Variants in DNAH17 observed in about 807,000 individuals in gnomAD.
The protein encoded by DNAH17 is axonemal beta dynein heavy chain 17.
Under a neutral mutation model 485.6 loss-of-function variants are expected in DNAH17, and 376 were observed. The observed-to-expected ratio is 0.77, with a 90% confidence interval of 0.71 to 0.84. The LOEUF (loss-of-function observed/expected upper bound fraction) is 0.84. Ranked by LOEUF, DNAH17 falls within the 40% of genes least tolerant of loss-of-function variation. The pLI, the probability that DNAH17 is intolerant of heterozygous loss-of-function variation, is 0.00. For synonymous variants in DNAH17, 3,031 were observed against 2,405.9 expected (o/e 1.26, Z -7.60); for missense variants, 6,370 against 5,839.3 (o/e 1.09, Z -2.96).
chr17:78,455,647 T>C lies in DNAH17; in HGVS notation c.10167A>G (p.Leu3389=), dbSNP rs139162230. 6.5e-6 allele frequency: 10 copies of C among 1,547,582 alleles called. No homozygotes were observed. The African/African-American group carries it at 1.4e-4, about 21-fold the overall frequency. Residue 3389 remains leucine, a synonymous_variant, in exon 63 of 81, where the codon TTA becomes TTG. Coordinates refer to ENST00000389840, the MANE Select transcript of DNAH17 (RefSeq NM_173628.4). ...EKFWIPYIHN[L]KVPIPITNGL... ...TGGCCAGGACTCCACTCCTTACCTT[T>C]AAGTTATGTATGTAAGGGATCCAGA...
chr17:78,428,282 ACCC>A, intron 77 of DNAH17: 1 of 560,488 alleles, frequency 1.8e-6, no homozygotes, highest in Non-Finnish European at 3.2e-6. Context: ...CCGCATCCAC[ACCC>A]CCAAGGATCC....
rs566794356 is a variant in DNAH17 at position 78,448,174 on chromosome 17, AAAAC to A, written c.11211+1236_11211+1239del. On this transcript the variant is annotated intron_variant, in intron 69 of 80. Coordinates refer to ENST00000389840, the MANE Select transcript of DNAH17 (RefSeq NM_173628.4). ...GCAACAAGAGGAAAACTCCGTCTAA[AAAAC>A]AAACAAACAAAAAAACCAGAACAGA... 6.2e-4 allele frequency among the ~76,000 whole-genome samples: 94 copies of A among 151,692 alleles called. 1 individual carries two copies. Among genetic ancestry groups the A allele is most frequent in the African/African-American group, 1.4e-3 (57 of 41,164 alleles).
In DNAH17 at chr17:78,462,847, G is replaced by T; in HGVS notation, c.9171C>A (p.Ser3057=). Reference sequence around the variant, plus strand: ...GCAGCCAGCCCCCCTCTCCTACCTGGGAAGCCGTGCTCTGCAGCTTCATCA... The same window carrying T: ...GCAGCCAGCCCCCCTCTCCTACCTGTGAAGCCGTGCTCTGCAGCTTCATCA... The part of the protein sequence containing the change: ...NGLMKLQSTA[S]QVDDLKAKLA... Residue 3057 remains serine, a synonymous_variant, in exon 57 of 81, where the codon TCC becomes TCA. Transcript: ENST00000389840. The T allele has an allele frequency of 9.9e-6, 16 of 1,613,868 alleles. No homozygotes were observed. Among genetic ancestry groups the T allele is most frequent in the African/African-American group, 1.3e-5 (1 of 74,988 alleles).
At chr17:78,499,212 C>G in intron 36 of DNAH17, 100 bp from the exon 37 acceptor site, 1 of 886,120 alleles carries the variant, frequency 1.1e-6, no homozygotes, top group South Asian at 2.0e-5. Flanking sequence ...GTTTTCTCTT[C>G]CCAAAGCTTG....
At chr17:78,567,335 G>C (rs2092284080) in intron 9 of DNAH17, among the ~76,000 whole-genome samples, 169 bp from the exon 10 acceptor site, 1 of 152,070 alleles carries the variant, frequency 6.6e-6, no homozygotes, top group African/African-American at 2.4e-5. Flanking sequence ...TGTTCTTTAA[G>C]CAAATATTCC....
At chr17:78,531,551 G>A (rs1255920364) in intron 20 of DNAH17, among the ~76,000 whole-genome samples, 1 of 151,824 alleles carries the variant, frequency 6.6e-6, no homozygotes, top group African/African-American at 2.4e-5. Flanking sequence ...TGTTAGCCAG[G>A]ATGGTCTCGA....
chr17:78,577,339 T>C lies in DNAH17; in HGVS notation c.-70A>G. The C allele has an allele frequency of 6.6e-6, 1 of 152,282 alleles. No homozygotes were observed. The highest frequency in any genetic ancestry group is 1.9e-4 in the East Asian group (1 of 5,186). The allele number at this position is 152,282 out of a possible 1,614,324, so 9.4% of individuals were successfully genotyped here. On this transcript the variant is annotated 5_prime_UTR_variant, in exon 1 of 81. Transcript: ENST00000389840. ...TCTCCCGCAAACTGATGAGCAACTC[T>C]TTCCCAAACCAGGAAAGAAAATGGC...
intron 9 of DNAH17, 79 bp downstream of exon 9, chr17:78,569,087 A>C: frequency 9.1e-7 from 1 of 1,097,500 alleles, no homozygotes; most frequent in Non-Finnish European, 1.3e-6. Flanking sequence ...CAAGGGGGGT[A>C]GGGATGGACG....
chr17:78,479,782 G>T, intron 49 of DNAH17, 150 bp from the exon 50 acceptor site: 2 of 1,046,554 alleles, frequency 1.9e-6, no homozygotes, highest in East Asian at 2.5e-5. Context: ...CTTGTGCCTT[G>T]CATGTGGTAA....
In DNAH17 at chr17:78,445,566, CG is replaced by C. The variant is rs2087249408; in HGVS notation, c.11325del (p.Ile3777SerfsTer62). ...PVDFLQHQGW[G>X]GIKALSEMDE... is the part of the protein sequence containing the mutation. Reference sequence around the variant, plus strand: ...AACGTCTAAAGACGAACCTTGATCCCGCCCCAGCCTTGATGCTGGAGGAAGT... The same window carrying C: ...AACGTCTAAAGACGAACCTTGATCCCCCCCAGCCTTGATGCTGGAGGAAGT... On this transcript the variant is annotated frameshift_variant, in exon 70 of 81. Coordinates refer to ENST00000389840, the MANE Select transcript of DNAH17 (RefSeq NM_173628.4). LOFTEE classifies it high-confidence loss of function. The C allele has an allele frequency of 6.4e-7, 1 of 1,561,572 alleles. No homozygotes were observed. The highest frequency in any genetic ancestry group is 2.4e-5 in the East Asian group (1 of 41,744).
chr17:78,473,573 CAG>C (rs2088872086), intron 54 of DNAH17, among the ~76,000 whole-genome samples: 1 of 140,538 alleles, frequency 7.1e-6, no homozygotes, highest in Admixed American at 7.1e-5. Context: ...AAAGAAATGA[CAG>C]TGATAGCAAA....
chr17:78,478,800 T>C (rs1568119942), intron 51 of DNAH17: 2 of 517,378 alleles, frequency 3.9e-6, no homozygotes, highest in Non-Finnish European at 6.8e-6. Flanking sequence ...TAACCATCAC[T>C]ACCACCATCA....
In DNAH17 at chr17:78,572,837, A is replaced by G; in HGVS notation, c.403T>C (p.Ser135Pro). 6.2e-7 allele frequency: 1 copy of G among 1,613,950 alleles called. No homozygotes were observed. The highest frequency in any genetic ancestry group is 8.5e-7 in the Non-Finnish European group (1 of 1,179,878). The change falls in exon 3 of 81, where the codon TCG becomes CCG. Residue 135 changes from serine (S) to proline (P), a missense_variant. Ser to Pro is a moderately conservative substitution (Grantham distance 74). Transcript: ENST00000389840. ...ENMAGWPQVV[S>P]EDIVKQVHRL... ...TGGACCTGCTTCACGATGTCTTCCG[A>G]GACCACCTGGGGCCATCCAGCCATG...
chr17:78,438,431 GAGGAGGAGGAGGA>G (rs2086929784), intron 73 of DNAH17, among the ~76,000 whole-genome samples: 1 of 77,960 alleles, frequency 1.3e-5, no homozygotes, highest in Non-Finnish European at 2.4e-5. Context: ...GGAGAAGGAG[GAGGAGGAGGAGGA>G]GGGAGGAGGG....
At chr17:78,434,802 G>C (rs2086804562) in intron 74 of DNAH17, among the ~76,000 whole-genome samples, 1 of 152,162 alleles carries the variant, frequency 6.6e-6, no homozygotes, top group Non-Finnish European at 1.5e-5. Context: ...GCTACGTAGT[G>C]ACTCCTGAAC....
chr17:78,552,476 CTT>C (rs2143571100), intron 15 of DNAH17, among the ~76,000 whole-genome samples: 1 of 148,406 alleles, frequency 6.7e-6, no homozygotes, highest in East Asian at 2.0e-4. Flanking sequence ...CCCAGGGAGT[CTT>C]TGCCGGATTC....
rs1233972786 is a variant in DNAH17, at chr17:78,570,872, AAAAAAAG to A, written c.918+69_918+75del. The stretch of plus-strand genomic sequence containing the variant: ...ACTCCCTCTCAAAAAAAAAAAAAAA[AAAAAAAG>A]AAAAAAGAAAAGAAAAGAAAAGAAA... On this transcript the variant is annotated intron_variant, in intron 6 of 80. Transcript: ENST00000389840. 4.7e-4 allele frequency: 372 copies of A among 794,206 alleles called. 3 individuals carry two copies. In the African/African-American group the frequency reaches 5.3e-3, roughly 11 times the overall value. The allele number at this position is 794,206 out of a possible 1,614,324, so 49.2% of individuals were successfully genotyped here. A position where few individuals can be genotyped will look rare whatever the true frequency, so the allele number is the denominator to read the frequency against.
chr17:78,502,874 C>T lies in DNAH17; in HGVS notation c.5082+12G>A, dbSNP rs1050229362. 1.9e-6 allele frequency: 3 copies of T among 1,611,258 alleles called. No homozygotes were observed. The Admixed American group carries it at 5.1e-5, about 27-fold the overall frequency. On this transcript the variant is annotated intron_variant, in intron 32 of 80. Transcript: ENST00000389840. ...GCCACGAGGCGCCGCCGAGCCCCCA[C>T]CCGCCTCAGACCTGGGCTGGGTAGT...
Position 78,502,967 on chromosome 17 carries a change from G to T in DNAH17, c.5001C>A (p.Thr1667=). 6.2e-7 allele frequency: 1 copy of T among 1,613,888 alleles called. No homozygotes were observed. The highest frequency in any genetic ancestry group is 8.5e-7 in the Non-Finnish European group (1 of 1,179,872). The change falls in exon 32 of 81, where the codon ACC becomes ACA. Residue 1667 remains threonine, a synonymous_variant. Transcript: ENST00000389840. The part of the protein sequence containing the change: ...LNRVLDRMCS[T]LRHEIPEAVV... ...CGGCCTCTGGGATTTCGTGCCGGAG[G>T]GTAGAGCACATTCGGTCCAGCACTC... is the stretch of plus-strand genomic sequence containing the variant.
Sources: allele counts gnomAD v4.1 joint callset (sites outside exome capture counted in the v4.1 genomes callset), GRCh38; gene constraint gnomAD v4.1.1; transcripts MANE v1.5; gene names NCBI Gene and HGNC (gene_info 2026-07-23, HGNC 2026-07-21).